Variants in RXRA observed in about 807,000 individuals in gnomAD.
RXRA encodes the protein retinoic acid receptor RXR-alpha.
RXRA carries 5 observed loss-of-function variants against 44.5 expected under a neutral mutation model. That is an observed-to-expected ratio of 0.11 (90% CI 0.06 to 0.24). RXRA has a LOEUF of 0.24. Among genes scored for constraint, RXRA ranks in the 10% least tolerant of loss-of-function variants. The probability of loss-of-function intolerance (pLI) is 1.00; values close to 1 mark genes in which losing one functional copy is unlikely to be tolerated. For synonymous variants in RXRA, 291 were observed against 271.4 expected, an observed-to-expected ratio of 1.07 and a Z score of -0.71; for missense variants, 412 against 646.5, an observed-to-expected ratio of 0.64 and a Z score of 3.93.
intron 1 of RXRA, among the ~76,000 whole-genome samples, chr9:134,337,719 T>A (rs1453936828): frequency 9.9e-5 from 15 of 152,144 alleles, no homozygotes; most frequent in African/African-American, 3.4e-4. Context: ...CACACCTGTG[T>A]CTTCACTTTG....
intron 1 of RXRA, among the ~76,000 whole-genome samples, chr9:134,380,545 C>T (rs1049571636): frequency 6.6e-5 from 10 of 151,936 alleles, no homozygotes; most frequent in Admixed American, 1.3e-4. Context: ...ACGGGCCCCT[C>T]GGTGTGATGG....
rs1268395887 is a variant in RXRA, at chr9:134,439,895, T to C, written c.*3281T>C. The C allele has an allele frequency of 6.6e-6, 1 of 152,430 alleles. No homozygotes were observed. 9.4% of individuals were successfully genotyped at this position (152,430 alleles called of 1,614,324 possible). A position where few individuals can be genotyped will look rare whatever the true frequency, so the allele number is the denominator to read the frequency against. Reference sequence around the variant, plus strand: ...AAGCAAGTACATAAGGACCCTCCTTTGGTGAAATCCGGGTTCGAATGAATA... The same window carrying C: ...AAGCAAGTACATAAGGACCCTCCTTCGGTGAAATCCGGGTTCGAATGAATA... On this transcript the variant is annotated 3_prime_UTR_variant, in exon 10 of 10. Coordinates refer to ENST00000481739, the MANE Select transcript of RXRA (RefSeq NM_002957.6).
intron 1 of RXRA, among the ~76,000 whole-genome samples, chr9:134,357,399 T>C (rs1338972412): frequency 1.3e-5 from 2 of 152,202 alleles, no homozygotes; most frequent in African/African-American, 2.4e-5. Context: ...ATTCGCACCT[T>C]GGCCCCTCTG....
At chr9:134,326,748 C>G in intron 1 of RXRA, 89 bp downstream of exon 1, 1 of 220,070 alleles carries the variant, frequency 4.5e-6, no homozygotes, top group Non-Finnish European at 7.4e-6. Flanking sequence ...GCGGCGCGCG[C>G]GGGGGGTCGC....
rs1830410888 is a variant in RXRA at position 134,366,024 on chromosome 9, A to AC, written c.29-35604dup. Among the ~76,000 whole-genome samples, 1 of 151,488 alleles carries AC rather than the reference A, an allele frequency of 6.6e-6. No individual in the cohort carries two copies. Among genetic ancestry groups the AC allele is most frequent in the Admixed American group, 6.6e-5 (1 of 15,228 alleles). ...CGGGGATCATCTGGCGGCTGCCTCC[A>AC]CCCCTGCCTCCACCCCTCCCTTTTT... On this transcript the variant is annotated intron_variant, in intron 1 of 9. Coordinates refer to ENST00000481739, the MANE Select transcript of RXRA (RefSeq NM_002957.6). This position sits in a 1 kb window ranked among gnomAD's most constrained non-coding sequence, Gnocchi z 5.9.
chr9:134,357,094 C>T (rs1358024938), intron 1 of RXRA, among the ~76,000 whole-genome samples: 1 of 152,234 alleles, frequency 6.6e-6, no homozygotes, highest in African/African-American at 2.4e-5. Context: ...CCCACCCAGC[C>T]CACACCCTGA....
At chr9:134,411,638 C>T (rs1348935803) in intron 4 of RXRA, among the ~76,000 whole-genome samples, 1 of 152,214 alleles carries the variant, frequency 6.6e-6, no homozygotes, top group African/African-American at 2.4e-5. Flanking sequence ...CTGCTGCTGT[C>T]AAGGGACCTC....
At position 134,436,748 on chromosome 9, in the gene RXRA, G is replaced by T; in HGVS notation, c.*134G>T. The T allele has an allele frequency of 3.2e-6, 3 of 939,562 alleles. No individual in the cohort carries two copies. The highest frequency in any genetic ancestry group is 4.8e-6 in the Non-Finnish European group (3 of 624,852). 58.2% of individuals were successfully genotyped at this position (939,562 alleles called of 1,614,324 possible). A position where few individuals can be genotyped will look rare whatever the true frequency, so the allele number is the denominator to read the frequency against. ...GGACTTTGGGGCACAGCCTGTCACT[G>T]CTCTGCCTAAGAGATGTGTTGTCAC... On this transcript the variant is annotated 3_prime_UTR_variant, in exon 10 of 10. Coordinates refer to ENST00000481739, the MANE Select transcript of RXRA (RefSeq NM_002957.6).
intron 1 of RXRA, among the ~76,000 whole-genome samples, chr9:134,367,903 A>G (rs1474772459): frequency 6.6e-6 from 1 of 152,256 alleles, no homozygotes; most frequent in Non-Finnish European, 1.5e-5. Context: ...AGGAACTGCT[A>G]ATTAAGCTAA....
chr9:134,332,432 G>A (rs868991563), intron 1 of RXRA, among the ~76,000 whole-genome samples: 16 of 152,152 alleles, frequency 1.1e-4, no homozygotes, highest in African/African-American at 3.1e-4. Flanking sequence ...GACAACCCTG[G>A]CTGGGGAGGC....
At chr9:134,328,095 CGAGTGCA>C (rs1368277930) in intron 1 of RXRA, among the ~76,000 whole-genome samples, 4 of 152,134 alleles carry the variant, frequency 2.6e-5, no homozygotes, top group African/African-American at 9.7e-5. Flanking sequence ...TGTCTGTGAC[CGAGTGCA>C]GTGTGGAGTG....
chr9:134,393,115 C>T (rs551174949), intron 1 of RXRA, among the ~76,000 whole-genome samples: 2 of 152,140 alleles, frequency 1.3e-5, no homozygotes, highest in South Asian at 4.1e-4. Flanking sequence ...CCTGAGCCAG[C>T]GTCTGGGGCA....
chr9:134,353,758 G>A (rs1830249954), intron 1 of RXRA, among the ~76,000 whole-genome samples: 1 of 152,230 alleles, frequency 6.6e-6, no homozygotes, highest in Admixed American at 6.5e-5. Context: ...CATGGGCCTG[G>A]TTGGCCTCCA....
At chr9:134,353,682 G>A (rs1000656526) in intron 1 of RXRA, among the ~76,000 whole-genome samples, 2 of 152,254 alleles carry the variant, frequency 1.3e-5, no homozygotes, top group African/African-American at 4.8e-5. Context: ...GGGCAGAGGT[G>A]CCCTTGGGGT....
In RXRA at chr9:134,439,216, T is replaced by G. The variant is rs1831686076; in HGVS notation, c.*2602T>G. The G allele has an allele frequency of 6.6e-6, 1 of 152,242 alleles. No individual in the cohort carries two copies. Among genetic ancestry groups the G allele is most frequent in the Admixed American group, 6.5e-5 (1 of 15,282 alleles). The allele number at this position is 152,242 out of a possible 1,614,324, so 9.4% of individuals were successfully genotyped here. On this transcript the variant is annotated 3_prime_UTR_variant, in exon 10 of 10. Coordinates refer to ENST00000481739, the MANE Select transcript of RXRA (RefSeq NM_002957.6). ...TCAGCTCATTAGCCACCTGTGCCTG[T>G]CCCCGCCTTGGCCCGGCTGGATGAA...
chr9:134,394,969 G>A (rs1830856861), intron 1 of RXRA, among the ~76,000 whole-genome samples: 2 of 152,220 alleles, frequency 1.3e-5, no homozygotes, highest in South Asian at 2.1e-4. Flanking sequence ...ATAAAAGTGG[G>A]TTTGGCATTC....
rs1419200444 is a variant in RXRA, at chr9:134,423,870, C to T, written c.910+2065C>T. On this transcript the variant is annotated intron_variant, in intron 6 of 9. Transcript: ENST00000481739. ...AGGCTTTTGCTGAGAGAGGGCGGTG[C>T]TCCCACCCCACCCCAACCCACCAGA... 3 of 985,316 alleles carry T rather than the reference C, an allele frequency of 3.0e-6. No individual in the cohort carries two copies. The East Asian group carries it at 3.4e-4, about 112-fold the overall frequency. The allele number at this position is 985,316 out of a possible 1,614,324, so 61.0% of individuals were successfully genotyped here.
chr9:134,415,307 T>G (rs1588298262), intron 4 of RXRA, among the ~76,000 whole-genome samples: 1 of 150,112 alleles, frequency 6.7e-6, no homozygotes, highest in Non-Finnish European at 1.5e-5. Flanking sequence ...GGCCCGGGGG[T>G]GTGAAGGGAG....
intron 1 of RXRA, among the ~76,000 whole-genome samples, chr9:134,336,671 A>C (rs1830011646): frequency 6.6e-6 from 1 of 152,088 alleles, no homozygotes; most frequent in South Asian, 2.1e-4. Context: ...CATGGCTCGG[A>C]GCTGGCTCTG....
Sources: gnomAD v4.1 joint callset for allele counts (sites outside exome capture counted in the v4.1 genomes callset) on GRCh38, gnomAD v4.1.1 for gene constraint, Gnocchi (gnomAD v3.1) non-coding constraint, MANE v1.5 for transcripts, NCBI Gene and HGNC (gene_info 2026-07-23, HGNC 2026-07-21) for gene names.